B3GNT2: variants seen among roughly 807,000 people sequenced by gnomAD.
B3GNT2 encodes the protein UDP-GlcNAc:betaGal beta-1,3-N-acetylglucosaminyltransferase 2, also known as N-acetyllactosaminide beta-1,3-N-acetylglucosaminyltransferase 2.
In B3GNT2, 12 loss-of-function variants were observed where a neutral mutation model predicts 27.6. That is an observed-to-expected ratio of 0.44 (90% CI 0.28 to 0.71). The LOEUF (loss-of-function observed/expected upper bound fraction) is 0.71, where lower values mean the gene tolerates loss of function less well. Ranked by LOEUF, B3GNT2 falls within the 30% of genes least tolerant of loss-of-function variation. The probability of loss-of-function intolerance (pLI) is 0.17; values close to 1 mark genes in which losing one functional copy is unlikely to be tolerated. For synonymous variants in B3GNT2, 192 were observed against 189.7 expected, an observed-to-expected ratio of 1.01 and a Z score of -0.10; for missense variants, 413 against 488.5, an observed-to-expected ratio of 0.85 and a Z score of 1.46.
chr2:62,210,038 T>C (rs1047453046), intron 1 of B3GNT2, among the ~76,000 whole-genome samples: 4 of 152,234 alleles, frequency 2.6e-5, no homozygotes, highest in African/African-American at 9.6e-5. Flanking sequence ...TTTTGTTGTC[T>C]ACATTATTAC....
Position 62,222,096 on chromosome 2 carries a change from G to A in B3GNT2, c.-9-116G>A. On this transcript the variant is annotated intron_variant, in intron 1 of 1. Coordinates refer to ENST00000301998, the MANE Select transcript of B3GNT2 (RefSeq NM_006577.6). The surrounding 1 kb of genome is among the most constrained non-coding windows in gnomAD (Gnocchi z 4.2). Reference sequence around the variant, plus strand: ...GGGCCAAGATTTGAACCTAGGCAGTGCAAGTGTAGAGTCTTTGCTGTAAAC... The same window carrying A: ...GGGCCAAGATTTGAACCTAGGCAGTACAAGTGTAGAGTCTTTGCTGTAAAC... 1.1e-6 allele frequency: 1 copy of A among 918,758 alleles called. No homozygotes were observed. The highest frequency in any genetic ancestry group is 1.6e-6 in the Non-Finnish European group (1 of 617,186). 56.9% of individuals were successfully genotyped at this position (918,758 alleles called of 1,614,324 possible).
At chr2:62,221,973 C>A in intron 1 of B3GNT2, 1 of 572,274 alleles carries the variant, frequency 1.7e-6, no homozygotes, top group South Asian at 1.7e-5. Context: ...CATATACTCA[C>A]AACCATCCTT....
At chr2:62,214,247 A>G (rs1219052765) in intron 1 of B3GNT2, among the ~76,000 whole-genome samples, 4 of 152,166 alleles carry the variant, frequency 2.6e-5, no homozygotes, top group Non-Finnish European at 5.9e-5. Flanking sequence ...ATGAGCAGGG[A>G]GGGTGTGTCC....
intron 1 of B3GNT2, among the ~76,000 whole-genome samples, chr2:62,206,432 A>G (rs1310774574): frequency 1.3e-5 from 2 of 152,076 alleles, no homozygotes; most frequent in Admixed American, 6.6e-5. Flanking sequence ...TCACTCAGCT[A>G]ATGGGTGGGC....
chr2:62,197,223 G>C (rs555352146), intron 1 of B3GNT2, among the ~76,000 whole-genome samples: 10 of 152,074 alleles, frequency 6.6e-5, no homozygotes, highest in African/African-American at 2.4e-4. Context: ...CGGGACTGGC[G>C]GCTACTCCAG....
At chr2:62,215,503 G>A (rs920353967) in intron 1 of B3GNT2, 3 of 152,370 alleles carry the variant, frequency 2.0e-5, no homozygotes, top group South Asian at 4.1e-4. Context: ...AGTGCTGGGA[G>A]CTATTCTCTC....
rs1319512756 is a variant in B3GNT2, at chr2:62,197,691, C to G, written c.-10+1336C>G. 2.0e-5 allele frequency among the ~76,000 whole-genome samples: 3 copies of G among 152,220 alleles called. No homozygotes were observed. The East Asian group carries it at 5.8e-4, about 29-fold the overall frequency. On this transcript the variant is annotated intron_variant, in intron 1 of 1. Coordinates refer to ENST00000301998, the MANE Select transcript of B3GNT2 (RefSeq NM_006577.6). ...TCTTCCGGTATAATTATTTGTGCCT[C>G]TGGAGGTGGTAAACGAGGTGGCCGA... is the stretch of plus-strand genomic sequence containing the variant.
chr2:62,199,845 C>T (rs560177355), intron 1 of B3GNT2, among the ~76,000 whole-genome samples: 8 of 152,328 alleles, frequency 5.3e-5, no homozygotes, highest in South Asian at 2.1e-4. Flanking sequence ...GAATACATTC[C>T]TCTCTCTGGA....
intron 1 of B3GNT2, among the ~76,000 whole-genome samples, chr2:62,199,495 A>G (rs1272672333): frequency 6.6e-6 from 1 of 152,242 alleles, no homozygotes; most frequent in Non-Finnish European, 1.5e-5. Flanking sequence ...AGATCTTGCA[A>G]CTAGGATAAT....
rs371010595 is a variant in B3GNT2, at chr2:62,223,174, G to A, written c.954G>A (p.Arg318=). ...GFLYSGHLAL[R]LYHITDQVHL... The stretch of plus-strand genomic sequence containing the variant: ...TCTACTCCGGCCACCTGGCCCTGAG[G>A]CTGTACCATATCACTGACCAGGTCC... The change falls in exon 2 of 2, where the codon AGG becomes AGA. Residue 318 remains arginine, a synonymous_variant. Transcript: ENST00000301998. 1 of 1,614,042 alleles carries A rather than the reference G, an allele frequency of 6.2e-7. No homozygotes were observed. The highest frequency in any genetic ancestry group is 1.3e-5 in the African/African-American group (1 of 74,910).
At chr2:62,215,476 C>T (rs1674555080) in intron 1 of B3GNT2, 1 of 152,316 alleles carries the variant, frequency 6.6e-6, no homozygotes, top group Admixed American at 6.5e-5. Context: ...ACCCTTATCA[C>T]TCCACCATCT....
chr2:62,203,366 T>C (rs1674307549), intron 1 of B3GNT2, among the ~76,000 whole-genome samples: 1 of 151,958 alleles, frequency 6.6e-6, no homozygotes, highest in African/African-American at 2.4e-5. Flanking sequence ...GCATACGGGA[T>C]ATGGGAGTCT....
chr2:62,205,416 C>CT (rs1257821176), intron 1 of B3GNT2, among the ~76,000 whole-genome samples: 3 of 152,064 alleles, frequency 2.0e-5, no homozygotes, highest in Non-Finnish European at 4.4e-5. Context: ...CAAAGTGTTA[C>CT]TTTTTTTTGA....
At chr2:62,201,675 T>G (rs1674266738) in intron 1 of B3GNT2, among the ~76,000 whole-genome samples, 4 of 152,244 alleles carry the variant, frequency 2.6e-5, no homozygotes. Flanking sequence ...TGACTTTCAT[T>G]AAATGTTTAT....
intron 1 of B3GNT2, among the ~76,000 whole-genome samples, chr2:62,212,071 A>G (rs1175419826): frequency 6.6e-6 from 1 of 152,180 alleles, no homozygotes; most frequent in African/African-American, 2.4e-5. Flanking sequence ...TTCCTGCTCC[A>G]AATTCACCCT....
At chr2:62,221,009 C>T (rs561121215) in intron 1 of B3GNT2, among the ~76,000 whole-genome samples, 1 of 152,174 alleles carries the variant, frequency 6.6e-6, no homozygotes, top group East Asian at 1.9e-4. Context: ...ATATACACTT[C>T]AGGTTTGACA....
chr2:62,210,260 C>T (rs1376229301), intron 1 of B3GNT2, among the ~76,000 whole-genome samples: 1 of 152,148 alleles, frequency 6.6e-6, no homozygotes, highest in African/African-American at 2.4e-5. Context: ...AGGTTGGGAC[C>T]AGAGTCCAAA....
At chr2:62,217,378 G>A (rs989214048) in intron 1 of B3GNT2, among the ~76,000 whole-genome samples, 2 of 152,122 alleles carry the variant, frequency 1.3e-5, no homozygotes, top group South Asian at 2.1e-4. Context: ...CACCCACCCC[G>A]TGCCCCCTAC....
intron 1 of B3GNT2, among the ~76,000 whole-genome samples, chr2:62,205,433 G>C (rs367741657): frequency 6.6e-6 from 1 of 152,126 alleles, no homozygotes; most frequent in Non-Finnish European, 1.5e-5. Flanking sequence ...TTGAGGATAC[G>C]TATTTTAAAA....
Sources: allele counts gnomAD v4.1 joint callset (sites outside exome capture counted in the v4.1 genomes callset), GRCh38; gene constraint gnomAD v4.1.1; non-coding constraint Gnocchi (gnomAD v3.1); transcripts MANE v1.5; gene names NCBI Gene and HGNC (gene_info 2026-07-23, HGNC 2026-07-21).